SUGCT: variants seen among roughly 807,000 people sequenced by gnomAD.
SUGCT encodes succinyl-CoA:glutarate-CoA transferase.
Under a neutral mutation model 55.0 loss-of-function variants are expected in SUGCT, and 41 were observed. That is an observed-to-expected ratio of 0.74 (90% CI 0.58 to 0.97). The LOEUF (loss-of-function observed/expected upper bound fraction) is 0.97. SUGCT is among the 50% of genes least tolerant of loss of function. The probability of loss-of-function intolerance (pLI) is 0.00; values close to 1 mark genes in which losing one functional copy is unlikely to be tolerated. For synonymous variants in SUGCT, 187 were observed against 200.4 expected (o/e 0.93, Z 0.56); for missense variants, 568 against 547.8 (o/e 1.04, Z -0.37).
chr7:40,366,967 T>G (rs1784012765), intron 9 of SUGCT, among the ~76,000 whole-genome samples: 1 of 152,132 alleles, frequency 6.6e-6, no homozygotes, highest in African/African-American at 2.4e-5. Flanking sequence ...CATGCACACG[T>G]ATGTTTATTG....
chr7:40,416,204 G>A (rs1358929948), intron 9 of SUGCT, among the ~76,000 whole-genome samples: 1 of 151,554 alleles, frequency 6.6e-6, no homozygotes, highest in African/African-American at 2.4e-5. Context: ...GCAATTTTCT[G>A]TTTTAATTTC....
intron 9 of SUGCT, among the ~76,000 whole-genome samples, chr7:40,326,627 G>T (rs543119995): frequency 9.2e-5 from 14 of 152,252 alleles, no homozygotes; most frequent in African/African-American, 3.4e-4. Flanking sequence ...TCAGCTCATT[G>T]TCCAAATATA....
Position 40,525,202 on chromosome 7 carries a change from T to C in SUGCT, c.1089+28816T>C, listed in dbSNP as rs535499887. On this transcript the variant is annotated intron_variant, in intron 12 of 13. Coordinates refer to ENST00000335693, the MANE Select transcript of SUGCT (RefSeq NM_001193313.2). ...AATGCCTATTCTCACGTTGGCATTT[T>C]GCATCAATCACTGTTTGTCCAAAGA... 4.6e-5 allele frequency among the ~76,000 whole-genome samples: 7 copies of C among 152,322 alleles called. No individual in the cohort carries two copies. In the East Asian group the frequency reaches 9.6e-4, roughly 21 times the overall value.
chr7:40,924,077 A>G, the SUGCT span, among the ~76,000 whole-genome samples: 1 of 152,148 alleles, frequency 6.6e-6, no homozygotes, highest in African/African-American at 2.4e-5. Context: ...AGCAGTATCT[A>G]TAAGGAACTG....
At chr7:40,672,329 C>T (rs1801981623) in intron 12 of SUGCT, among the ~76,000 whole-genome samples, 1 of 152,048 alleles carries the variant, frequency 6.6e-6, no homozygotes, top group Non-Finnish European at 1.5e-5. Context: ...AAGAACTTTC[C>T]TCTGTGAGAT....
chr7:40,469,559 AT>A (rs1193852118), intron 11 of SUGCT, among the ~76,000 whole-genome samples: 1 of 152,254 alleles, frequency 6.6e-6, no homozygotes, highest in Non-Finnish European at 1.5e-5. Context: ...TCTGGAAAGC[AT>A]CCCTTTGGCT....
chr7:40,888,968 C>CA, the SUGCT span, among the ~76,000 whole-genome samples: 1 of 152,214 alleles, frequency 6.6e-6, no homozygotes, highest in Admixed American at 6.5e-5. Context: ...TAGGCTGAGA[C>CA]AAAAAGCCTG....
intron 9 of SUGCT, among the ~76,000 whole-genome samples, chr7:40,332,401 AT>A (rs1230792901): frequency 3.9e-5 from 6 of 152,142 alleles, no homozygotes; most frequent in Non-Finnish European, 7.4e-5. Flanking sequence ...TATCTTAAAA[AT>A]AAACTCATCT....
intron 13 of SUGCT, among the ~76,000 whole-genome samples, chr7:40,788,611 C>G (rs554717881): frequency 1.1e-4 from 16 of 152,328 alleles, no homozygotes; most frequent in African/African-American, 3.6e-4. Flanking sequence ...AGTTACTGTT[C>G]TCTTCAGATG....
In SUGCT at chr7:40,174,292, G is replaced by A. The variant is rs1173246971; in HGVS notation, c.101-6655G>A. Among the ~76,000 whole-genome samples, 7 of 152,192 alleles carry A rather than the reference G, an allele frequency of 4.6e-5. No homozygotes were observed. In the South Asian group the frequency reaches 6.2e-4, roughly 14 times the overall value. On this transcript the variant is annotated intron_variant, in intron 1 of 13. Transcript: ENST00000335693. Reference sequence around the variant, plus strand: ...CTCACCTCGGCCTCCCAGAGTGCTCGGATTACAGGCGTGAGCCAGCACACC... The same window carrying A: ...CTCACCTCGGCCTCCCAGAGTGCTCAGATTACAGGCGTGAGCCAGCACACC...
In SUGCT at chr7:40,391,642, T is replaced by TG. The variant is rs559943990; in HGVS notation, c.817-57643dup. Reference sequence around the variant, plus strand: ...TAAAAAGTCAGGAAACAACAGGTGCTGGAGAGGATGTGGAGAAATAGGAAC... The same window carrying TG: ...TAAAAAGTCAGGAAACAACAGGTGCTGGGAGAGGATGTGGAGAAATAGGAAC... On this transcript the variant is annotated intron_variant, in intron 9 of 13. Transcript: ENST00000335693. Among the ~76,000 whole-genome samples, 1,522 of 152,282 alleles carry TG rather than the reference T, an allele frequency of 1.0e-2. 22 individuals are homozygous for TG. The highest frequency in any genetic ancestry group is 0.035 in the African/African-American group (1,449 of 41,550).
intron 6 of SUGCT, among the ~76,000 whole-genome samples, chr7:40,207,154 G>T (rs1787020965): frequency 1.3e-5 from 2 of 151,992 alleles, no homozygotes; most frequent in South Asian, 4.2e-4. Flanking sequence ...GCTATGTTGT[G>T]CCACTGCACT....
intron 7 of SUGCT, among the ~76,000 whole-genome samples, chr7:40,255,114 C>A (rs1790721336): frequency 6.6e-6 from 1 of 150,926 alleles, no homozygotes; most frequent in South Asian, 2.1e-4. Context: ...GTAATCCCAG[C>A]TACTCAGGAG....
intron 13 of SUGCT, among the ~76,000 whole-genome samples, chr7:40,827,792 A>C (rs766724519): frequency 4.7e-4 from 71 of 152,212 alleles, no homozygotes; most frequent in Non-Finnish European, 8.1e-4. Flanking sequence ...AGCCACAAGA[A>C]CTTAAACTTC....
chr7:40,836,436 A>G (rs897081677), intron 13 of SUGCT, among the ~76,000 whole-genome samples: 2 of 152,212 alleles, frequency 1.3e-5, no homozygotes, highest in Admixed American at 6.5e-5. Flanking sequence ...TTGACTGACC[A>G]TATGCAGATT....
At chr7:40,247,943 G>A (rs548711107) in intron 7 of SUGCT, among the ~76,000 whole-genome samples, 41 of 151,196 alleles carry the variant, frequency 2.7e-4, no homozygotes, top group Admixed American at 7.2e-4. Flanking sequence ...AGAAATCTTT[G>A]CTTACCCTTA....
At chr7:40,826,528 T>G (rs1386442500) in intron 13 of SUGCT, among the ~76,000 whole-genome samples, 1 of 152,192 alleles carries the variant, frequency 6.6e-6, no homozygotes, top group Non-Finnish European at 1.5e-5. Flanking sequence ...GAGTTTGCTA[T>G]AAACATTTTG....
At chr7:40,714,553 C>A (rs926598170) in intron 12 of SUGCT, among the ~76,000 whole-genome samples, 6 of 152,122 alleles carry the variant, frequency 3.9e-5, no homozygotes, top group African/African-American at 1.4e-4. Context: ...AGCCCTTACT[C>A]CCCAAATGAA....
chr7:40,291,567 A>T (rs1242750743), intron 8 of SUGCT, among the ~76,000 whole-genome samples: 1 of 151,188 alleles, frequency 6.6e-6, no homozygotes, highest in African/African-American at 2.4e-5. Context: ...ATGGCGAGTT[A>T]ATGGGTGCAG....
Sources: allele counts gnomAD v4.1 joint callset (sites outside exome capture counted in the v4.1 genomes callset), GRCh38; gene constraint gnomAD v4.1.1; transcripts MANE v1.5; gene names NCBI Gene and HGNC (gene_info 2026-07-23, HGNC 2026-07-21).